Variants in CSMD1 observed in about 807,000 individuals in gnomAD.
The protein encoded by CSMD1 is CUB and Sushi multiple domains 1.
In CSMD1, 213 loss-of-function variants were observed where a neutral mutation model predicts 417.5. The ratio of observed to expected loss-of-function variants is 0.51; its 90% CI spans 0.46 to 0.57. The LOEUF is 0.57. Ranked by LOEUF, CSMD1 falls within the 20% of genes least tolerant of loss-of-function variation. The pLI is 0.00. For synonymous variants in CSMD1, 2,862 were observed against 1,736.8 expected, an observed-to-expected ratio of 1.65 and a Z score of -16.11; for missense variants, 6,923 against 4,529.7, an observed-to-expected ratio of 1.53 and a Z score of -15.17.
chr8:4,251,569 G>C (rs1056456817), intron 3 of CSMD1, among the ~76,000 whole-genome samples: 3 of 152,182 alleles, frequency 2.0e-5, no homozygotes, highest in African/African-American at 7.2e-5. Context: ...GTATCCCACA[G>C]GTGACTCTAT....
intron 5 of CSMD1, among the ~76,000 whole-genome samples, chr8:3,920,600 T>A (rs1218099162): frequency 1.3e-5 from 2 of 152,114 alleles, no homozygotes; most frequent in Non-Finnish European, 2.9e-5. Flanking sequence ...ATTATGTACA[T>A]TAGTTATGGG....
intron 2 of CSMD1, among the ~76,000 whole-genome samples, chr8:4,477,508 A>C (rs1156982599): frequency 6.6e-6 from 1 of 152,230 alleles, no homozygotes; most frequent in East Asian, 1.9e-4. Context: ...GCATTACGTG[A>C]GTGGCCTGGC....
chr8:3,909,621 A>T (rs572063864), intron 5 of CSMD1, among the ~76,000 whole-genome samples: 1 of 152,114 alleles, frequency 6.6e-6, no homozygotes, highest in African/African-American at 2.4e-5. Flanking sequence ...TAGGCTCAGG[A>T]GCTTGTTTGT....
rs80054203 is a variant in CSMD1 at position 4,106,732 on chromosome 8, T to C, written c.416-74633A>G. On this transcript the variant is annotated intron_variant, in intron 3 of 69. Coordinates refer to ENST00000635120, the MANE Select transcript of CSMD1 (RefSeq NM_033225.6). ...GATGTGCGTTTTATACACACAGCTCTTAAGTTCAACAACAGACCCCGCACA... is the reference window on the plus strand; with the variant it reads ...GATGTGCGTTTTATACACACAGCTCCTAAGTTCAACAACAGACCCCGCACA... 6.5e-3 allele frequency among the ~76,000 whole-genome samples: 989 copies of C among 152,314 alleles called. 12 individuals carry two copies. Among genetic ancestry groups the C allele is most frequent in the African/African-American group, 0.023 (950 of 41,556 alleles).
intron 5 of CSMD1, among the ~76,000 whole-genome samples, chr8:3,777,161 TC>T (rs1402716440): frequency 3.7e-5 from 5 of 133,456 alleles, no homozygotes; most frequent in South Asian, 2.5e-4. Flanking sequence ...CACACACACA[TC>T]ATATATATAT....
At chr8:4,448,297 A>G (rs138479243) in intron 2 of CSMD1, among the ~76,000 whole-genome samples, 58 of 152,334 alleles carry the variant, frequency 3.8e-4, no homozygotes, top group African/African-American at 1.3e-3. Flanking sequence ...AAAAAAGGGT[A>G]CATTTTGTTT....
chr8:3,260,622 C>A (rs887506713), intron 26 of CSMD1, among the ~76,000 whole-genome samples: 4 of 151,126 alleles, frequency 2.6e-5, no homozygotes, highest in African/African-American at 7.3e-5. Context: ...GGCTCCAGTG[C>A]TTAGGGAGAG....
chr8:3,902,512 A>T (rs1266521338), intron 5 of CSMD1, among the ~76,000 whole-genome samples: 2 of 152,014 alleles, frequency 1.3e-5, no homozygotes, highest in Non-Finnish European at 2.9e-5. Flanking sequence ...TCCACCTGAG[A>T]TCATCAGCCA....
chr8:3,291,643 G>C (rs1010570625), intron 25 of CSMD1, among the ~76,000 whole-genome samples: 1 of 152,134 alleles, frequency 6.6e-6, no homozygotes, highest in Non-Finnish European at 1.5e-5. Flanking sequence ...TCTGATGGTA[G>C]TTTGTGTTTC....
At chr8:4,532,511 C>A (rs555491901) in intron 2 of CSMD1, among the ~76,000 whole-genome samples, 2 of 147,750 alleles carry the variant, frequency 1.4e-5, no homozygotes, top group African/African-American at 2.5e-5. Context: ...CACCCCCATT[C>A]AGTCACTCCG....
At chr8:3,025,832 T>A (rs538178308) in intron 51 of CSMD1, among the ~76,000 whole-genome samples, 1 of 152,282 alleles carries the variant, frequency 6.6e-6, no homozygotes, top group African/African-American at 2.4e-5. Flanking sequence ...GAGCATGTAA[T>A]TGATATGTTA....
intron 3 of CSMD1, among the ~76,000 whole-genome samples, chr8:4,127,366 G>A (rs1563158262): frequency 7.1e-6 from 1 of 141,100 alleles, no homozygotes; most frequent in East Asian, 2.1e-4. Context: ...TTATCCTTCA[G>A]CTTCAGCCAC....
intron 10 of CSMD1, among the ~76,000 whole-genome samples, chr8:3,560,762 T>C (rs1302517926): frequency 1.3e-5 from 2 of 152,226 alleles, no homozygotes; most frequent in East Asian, 3.9e-4. Context: ...GAGAACTTTT[T>C]TGGCTATATA....
chr8:3,770,426 G>C (rs1798505723), intron 5 of CSMD1, among the ~76,000 whole-genome samples: 1 of 152,142 alleles, frequency 6.6e-6, no homozygotes, highest in Admixed American at 6.5e-5. Flanking sequence ...CTACTCGAGA[G>C]GCTGAGGCAG....
At chr8:3,374,774 T>C (rs980326410) in intron 18 of CSMD1, among the ~76,000 whole-genome samples, 2 of 152,192 alleles carry the variant, frequency 1.3e-5, no homozygotes, top group African/African-American at 4.8e-5. Flanking sequence ...CTGATGTTCA[T>C]GGCAAAGCAC....
intron 1 of CSMD1, among the ~76,000 whole-genome samples, chr8:4,838,448 G>A (rs956009725): frequency 3.3e-5 from 5 of 152,182 alleles, no homozygotes; most frequent in African/African-American, 9.7e-5. Flanking sequence ...CAGAGGGAAG[G>A]GAAACAAGAA....
intron 1 of CSMD1, among the ~76,000 whole-genome samples, chr8:4,942,050 C>G (rs1356891495): frequency 6.6e-6 from 1 of 152,152 alleles, no homozygotes; most frequent in Non-Finnish European, 1.5e-5. Context: ...GATTGTCTGG[C>G]TCTTCTACTT....
At chr8:4,896,832 C>A (rs568924367) in intron 1 of CSMD1, among the ~76,000 whole-genome samples, 40 of 151,950 alleles carry the variant, frequency 2.6e-4, no homozygotes, top group Non-Finnish European at 4.7e-4. Flanking sequence ...CCAGTGAGAG[C>A]CGGAGCCACG....
intron 18 of CSMD1, among the ~76,000 whole-genome samples, chr8:3,369,744 C>A (rs964508285): frequency 6.6e-6 from 1 of 152,172 alleles, no homozygotes; most frequent in Non-Finnish European, 1.5e-5. Context: ...TGTTCAAACA[C>A]TCACTTCAGA....
Sources: gnomAD v4.1 joint callset for allele counts (sites outside exome capture counted in the v4.1 genomes callset) on GRCh38, gnomAD v4.1.1 for gene constraint, MANE v1.5 for transcripts, NCBI Gene and HGNC (gene_info 2026-07-23, HGNC 2026-07-21) for gene names.